SHISA9: variants seen among roughly 807,000 people sequenced by gnomAD.
SHISA9 encodes protein shisa-9.
In SHISA9, 13 loss-of-function variants were observed where a neutral mutation model predicts 38.0. The observed-to-expected ratio is 0.34, with a 90% CI of 0.22 to 0.54. The LOEUF is 0.54. Ranked by LOEUF, SHISA9 falls within the 20% of genes least tolerant of loss-of-function variation. The probability of loss-of-function intolerance (pLI) is 0.91; values close to 1 mark genes in which losing one functional copy is unlikely to be tolerated. For missense variants in SHISA9, 538 were observed against 575.8 expected (o/e 0.93, Z 0.67); for synonymous variants, 275 against 242.0 (o/e 1.14, Z -1.27).
At chr16:13,379,467 C>T in the SHISA9 span, among the ~76,000 whole-genome samples, 4 of 152,332 alleles carry the variant, frequency 2.6e-5, no homozygotes, top group African/African-American at 7.2e-5. Flanking sequence ...TTCCCTCCTC[C>T]TGCTCCAGCC....
At chr16:13,160,195 C>T (rs1248459603) in intron 2 of SHISA9, among the ~76,000 whole-genome samples, 1 of 152,140 alleles carries the variant, frequency 6.6e-6, no homozygotes, top group African/African-American at 2.4e-5. Context: ...GATTCTGAGG[C>T]AGGCGTGAGC....
At chr16:13,178,842 T>G (rs1448723171) in intron 2 of SHISA9, among the ~76,000 whole-genome samples, 3 of 151,522 alleles carry the variant, frequency 2.0e-5, no homozygotes, top group African/African-American at 7.3e-5. Context: ...AGGCCAGGTT[T>G]TTGTTGTTGT....
At chr16:13,469,586 C>T in the SHISA9 span, among the ~76,000 whole-genome samples, 189 of 152,308 alleles carry the variant, frequency 1.2e-3, no homozygotes, top group Non-Finnish European at 2.0e-3. Flanking sequence ...ATCCAAATGA[C>T]TCTGGCTCTT....
chr16:13,439,848 G>C, the SHISA9 span, among the ~76,000 whole-genome samples: 2 of 152,178 alleles, frequency 1.3e-5, no homozygotes, highest in Non-Finnish European at 2.9e-5. Flanking sequence ...GAAATAAAAG[G>C]TCAGCTCTCA....
At chr16:13,373,474 G>A in the SHISA9 span, among the ~76,000 whole-genome samples, 1 of 152,212 alleles carries the variant, frequency 6.6e-6, no homozygotes, top group Non-Finnish European at 1.5e-5. Flanking sequence ...TAAGATGGGA[G>A]TGATGAGGCT....
intron 2 of SHISA9, among the ~76,000 whole-genome samples, chr16:12,972,571 A>G (rs774785491): frequency 6.6e-6 from 1 of 152,240 alleles, no homozygotes; most frequent in South Asian, 2.1e-4. Context: ...GAAGGTGGAA[A>G]TACTCCGTGT....
chr16:13,222,373 C>T (rs548428559), intron 4 of SHISA9, among the ~76,000 whole-genome samples: 2 of 152,294 alleles, frequency 1.3e-5, no homozygotes, highest in Admixed American at 1.3e-4. Context: ...TGACTCTTAC[C>T]ATCTTGTCCT....
At chr16:13,392,749 A>G in the SHISA9 span, among the ~76,000 whole-genome samples, 1 of 152,248 alleles carries the variant, frequency 6.6e-6, no homozygotes, top group South Asian at 2.1e-4. Context: ...GTACACAGAA[A>G]TATGCACACA....
intron 2 of SHISA9, among the ~76,000 whole-genome samples, chr16:13,172,613 G>T (rs114055989): frequency 1.3e-5 from 2 of 152,012 alleles, no homozygotes; most frequent in Non-Finnish European, 2.9e-5. Context: ...CATCACCTTC[G>T]TGCTGGCAAG....
At chr16:13,400,680 T>G in the SHISA9 span, among the ~76,000 whole-genome samples, 20 of 152,274 alleles carry the variant, frequency 1.3e-4, no homozygotes, top group African/African-American at 4.8e-4. Context: ...GATGATTCAT[T>G]CCAATAACCC....
chr16:13,282,705 A>G, the SHISA9 span, among the ~76,000 whole-genome samples: 49 of 151,896 alleles, frequency 3.2e-4, no homozygotes, highest in Admixed American at 1.4e-3. Context: ...TTTGTTCTTT[A>G]GGTTGCATAA....
chr16:12,944,279 A>G (rs2071661074), intron 2 of SHISA9, among the ~76,000 whole-genome samples: 1 of 152,218 alleles, frequency 6.6e-6, no homozygotes, highest in Admixed American at 6.5e-5. Flanking sequence ...AAGGGAATTA[A>G]TTTGCTTTGA....
At chr16:13,215,334 A>G (rs1450034491) in intron 4 of SHISA9, among the ~76,000 whole-genome samples, 1 of 152,158 alleles carries the variant, frequency 6.6e-6, no homozygotes, top group Non-Finnish European at 1.5e-5. Flanking sequence ...CTATTCCCTC[A>G]TTGGGAAAGA....
the SHISA9 span, among the ~76,000 whole-genome samples, chr16:13,284,949 T>C: frequency 6.6e-6 from 1 of 152,186 alleles, no homozygotes; most frequent in Non-Finnish European, 1.5e-5. Context: ...ATCTTCTGGA[T>C]GTATGTTACC....
the SHISA9 span, chr16:13,246,290 A>G: frequency 6.6e-6 from 1 of 151,998 alleles, no homozygotes; most frequent in East Asian, 1.9e-4. Flanking sequence ...ATAAGAGGAA[A>G]CCCCTTTTGC....
the SHISA9 span, among the ~76,000 whole-genome samples, chr16:13,336,458 GC>G: frequency 3.2e-4 from 48 of 152,216 alleles, no homozygotes; most frequent in Non-Finnish European, 6.0e-4. Flanking sequence ...CTAGTCCCAG[GC>G]AAAAAACCCT....
intron 2 of SHISA9, among the ~76,000 whole-genome samples, chr16:12,961,098 T>C (rs2071905978): frequency 6.6e-6 from 1 of 152,130 alleles, no homozygotes; most frequent in African/African-American, 2.4e-5. Flanking sequence ...GACGTTTTCC[T>C]GGGGAATCCA....
chr16:13,485,876 T>A, the SHISA9 span, among the ~76,000 whole-genome samples: 150 of 152,334 alleles, frequency 9.8e-4, no homozygotes, highest in Non-Finnish European at 2.1e-3. Context: ...AGTATATGAG[T>A]GAGAATCTGA....
chr16:13,196,409 A>AC (rs1273806373), intron 2 of SHISA9, among the ~76,000 whole-genome samples: 4 of 151,180 alleles, frequency 2.6e-5, no homozygotes, highest in Non-Finnish European at 2.9e-5. Flanking sequence ...AAAAAAAAAA[A>AC]AGAAAGAAAA....
Sources: allele counts gnomAD v4.1 joint callset (sites outside exome capture counted in the v4.1 genomes callset), GRCh38; gene constraint gnomAD v4.1.1; transcripts MANE v1.5; gene names NCBI Gene and HGNC (gene_info 2026-07-23, HGNC 2026-07-21).